Variants in ARHGEF28 observed in about 807,000 individuals in gnomAD.
The protein encoded by ARHGEF28 is Rho guanine nucleotide exchange factor 28, also known as 190 kDa guanine nucleotide exchange factor.
ARHGEF28 carries 152 observed loss-of-function variants against 206.6 expected under a neutral mutation model. That is an observed-to-expected ratio of 0.74 (90% CI 0.64 to 0.84). The LOEUF (loss-of-function observed/expected upper bound fraction) is 0.84, where lower values mean the gene tolerates loss of function less well. Among genes scored for constraint, ARHGEF28 ranks in the 40% least tolerant of loss-of-function variants. The pLI is 0.00. For missense variants in ARHGEF28, 2,028 were observed against 2,073.2 expected (o/e 0.98, Z 0.42); for synonymous variants, 763 against 776.4 (o/e 0.98, Z 0.29).
chr5:73,900,129 C>T (rs984002931), intron 30 of ARHGEF28: 1 of 152,112 alleles, frequency 6.6e-6, no homozygotes, highest in Non-Finnish European at 1.5e-5. Flanking sequence ...AAGCCGTTTC[C>T]GTTTAGACAA....
chr5:73,901,150 C>T, intron 30 of ARHGEF28, 34 bp from the exon 31 acceptor site: 1 of 1,588,272 alleles, frequency 6.3e-7, no homozygotes, highest in Non-Finnish European at 8.6e-7. Context: ...TTGACGCTGT[C>T]CTTTTTGTTT....
rs371533538 is a variant in ARHGEF28, at chr5:73,870,156, C to T, written c.2513C>T (p.Ser838Leu). Residue 838 changes from serine (S) to leucine (L), a missense_variant, in exon 21 of 36, where the codon TCA becomes TTA. Around this residue, in one of 3 missense-constraint regions of ARHGEF28, gnomAD observed 1,002 missense variants for 1,015.3 expected, o/e 0.99. Coordinates refer to ENST00000513042, the MANE Select transcript of ARHGEF28 (RefSeq NM_001177693.2). ...TCTTGGAGTCTTGTGGTGGATCCCT[C>T]ATTTTGTAATAGGCAGGAGAAGGAT... The part of the protein sequence containing the change: ...AESWSLVVDP[S>L]FCNRQEKDVI... 1.2e-6 allele frequency: 2 copies of T among 1,613,870 alleles called. No homozygotes were observed. The highest frequency in any genetic ancestry group is 1.7e-6 in the Non-Finnish European group (2 of 1,179,852).
chr5:73,827,237 T>C (rs1756967900), intron 9 of ARHGEF28, among the ~76,000 whole-genome samples: 1 of 152,206 alleles, frequency 6.6e-6, no homozygotes, highest in Non-Finnish European at 1.5e-5. Flanking sequence ...AAGTCTGATA[T>C]AAAAGTCACA....
intron 1 of ARHGEF28, among the ~76,000 whole-genome samples, chr5:73,673,503 G>A (rs1413468420): frequency 1.3e-5 from 2 of 152,104 alleles, no homozygotes; most frequent in African/African-American, 4.8e-5. Context: ...CCTGATCCCT[G>A]GAGGTTTCTC....
chr5:73,730,534 AT>A (rs968990208), intron 2 of ARHGEF28, among the ~76,000 whole-genome samples: 21,242 of 117,294 alleles, frequency 0.18, 1,123 homozygotes, highest in Non-Finnish European at 0.21. Flanking sequence ...CATAAGGAGG[AT>A]TTTTTTTTTT....
chr5:73,890,356 C>G (rs1164109153), intron 26 of ARHGEF28, among the ~76,000 whole-genome samples: 2 of 152,218 alleles, frequency 1.3e-5, no homozygotes, highest in Non-Finnish European at 2.9e-5. Flanking sequence ...CATACAGAGG[C>G]TGTTTACCTT....
chr5:73,859,405 C>T (rs1759250987), intron 16 of ARHGEF28, among the ~76,000 whole-genome samples: 1 of 152,128 alleles, frequency 6.6e-6, no homozygotes, highest in Non-Finnish European at 1.5e-5. Context: ...GGAAGTTTAC[C>T]TCTGAAGCTC....
intron 9 of ARHGEF28, among the ~76,000 whole-genome samples, chr5:73,820,483 C>A (rs1426275588): frequency 1.3e-5 from 2 of 152,080 alleles, no homozygotes; most frequent in Non-Finnish European, 2.9e-5. Flanking sequence ...CTGGCCTAGG[C>A]TCTTCCCTGA....
At chr5:73,768,809 T>C (rs1045142363) in intron 4 of ARHGEF28, among the ~76,000 whole-genome samples, 6 of 152,048 alleles carry the variant, frequency 3.9e-5, no homozygotes, top group African/African-American at 7.3e-5. Context: ...GATTTGGCTG[T>C]GTCCTCACCC....
At chr5:73,815,555 A>T (rs974891211) in intron 9 of ARHGEF28, among the ~76,000 whole-genome samples, 3 of 152,160 alleles carry the variant, frequency 2.0e-5, no homozygotes, top group African/African-American at 7.2e-5. Context: ...TGTCAATTCT[A>T]ACCCAGTTAA....
rs757826986 is a variant in ARHGEF28, at chr5:73,773,848, T to C, written c.476-7T>C. ...AACTAATATGGTATGTGTTTTTTCC[T>C]CTTCAGTATCTTCTCACAGAGAATC... On this transcript the variant is annotated splice_polypyrimidine_tract_variant and splice_region_variant and intron_variant, in intron 4 of 35. Transcript: ENST00000513042. 2 of 1,583,650 alleles carry C rather than the reference T, an allele frequency of 1.3e-6. No individual in the cohort carries two copies. The highest frequency in any genetic ancestry group is 2.3e-5 in the South Asian group (2 of 85,196).
chr5:73,769,019 T>C (rs1390798071), intron 4 of ARHGEF28, among the ~76,000 whole-genome samples: 1 of 152,086 alleles, frequency 6.6e-6, no homozygotes, highest in Non-Finnish European at 1.5e-5. Flanking sequence ...AGAAGTGCCT[T>C]TTGCCTTCCA....
intron 4 of ARHGEF28, among the ~76,000 whole-genome samples, chr5:73,764,040 C>A (rs778840522): frequency 3.3e-5 from 5 of 152,162 alleles, no homozygotes; most frequent in Non-Finnish European, 5.9e-5. Context: ...TTAGTCCCCC[C>A]AATACTGGCT....
intron 1 of ARHGEF28, among the ~76,000 whole-genome samples, chr5:73,642,771 A>G (rs1373967924): frequency 1.3e-5 from 2 of 152,150 alleles, no homozygotes; most frequent in Non-Finnish European, 2.9e-5. Flanking sequence ...GAATTTAAAA[A>G]CACTTTAAGA....
chr5:73,832,171 G>A (rs774181313), intron 9 of ARHGEF28, among the ~76,000 whole-genome samples, 167 bp from the exon 10 acceptor site: 4 of 152,114 alleles, frequency 2.6e-5, no homozygotes, highest in Non-Finnish European at 5.9e-5. Context: ...GATAGCTGAG[G>A]TTTGGATATA....
At chr5:73,638,749 T>G (rs1470972863) in intron 1 of ARHGEF28, among the ~76,000 whole-genome samples, 2 of 152,198 alleles carry the variant, frequency 1.3e-5, no homozygotes, top group South Asian at 2.1e-4. Context: ...TATGGAACAT[T>G]TAAAATTGCA....
chr5:73,752,469 CTT>C (rs1050182001), intron 3 of ARHGEF28, among the ~76,000 whole-genome samples: 6 of 152,084 alleles, frequency 3.9e-5, no homozygotes, highest in African/African-American at 1.4e-4. Context: ...TTAGGGCAAA[CTT>C]GTGTAATTGT....
chr5:73,632,754 A>G (rs1421977804), intron 1 of ARHGEF28, among the ~76,000 whole-genome samples: 2 of 151,944 alleles, frequency 1.3e-5, no homozygotes, highest in South Asian at 2.1e-4. Flanking sequence ...CCAATTCACT[A>G]TTTTCTTTTT....
At chr5:73,847,336 ATTTAAT>A (rs1758428396) in intron 12 of ARHGEF28, among the ~76,000 whole-genome samples, 1 of 152,130 alleles carries the variant, frequency 6.6e-6, no homozygotes, top group African/African-American at 2.4e-5. Context: ...TAGTGCTTTT[ATTTAAT>A]TTTATTTTTT....
Sources: allele counts gnomAD v4.1 joint callset (sites outside exome capture counted in the v4.1 genomes callset), GRCh38; gene constraint gnomAD v4.1.1; regional missense constraint gnomAD v4.1.1; transcripts MANE v1.5; gene names NCBI Gene and HGNC (gene_info 2026-07-23, HGNC 2026-07-21).